The following PPHLN1 variants were observed in gnomAD, a reference collection of about 807,000 sequenced individuals.
The protein encoded by PPHLN1 is periphilin 1, also known as periphilin-1.
In PPHLN1, 29 loss-of-function variants were observed where a neutral mutation model predicts 51.3. That is an observed-to-expected ratio of 0.57 (90% CI 0.42 to 0.77). The LOEUF is 0.77. Among genes scored for constraint, PPHLN1 ranks in the 30% least tolerant of loss-of-function variants. PPHLN1 has a pLI of 0.00. For synonymous variants in PPHLN1, 147 were observed against 147.8 expected, an observed-to-expected ratio of 0.99 and a Z score of 0.04; for missense variants, 436 against 438.4, an observed-to-expected ratio of 0.99 and a Z score of 0.05.
chr12:42,340,052 A>G (rs1264665796), intron 2 of PPHLN1, among the ~76,000 whole-genome samples: 2 of 152,238 alleles, frequency 1.3e-5, no homozygotes, highest in East Asian at 3.8e-4. Context: ...CTTGCCTATA[A>G]TCTGAGCACT....
At chr12:42,426,108 C>A (rs2081430324) in intron 9 of PPHLN1, among the ~76,000 whole-genome samples, 1 of 149,450 alleles carries the variant, frequency 6.7e-6, no homozygotes, top group South Asian at 2.1e-4. Context: ...GAAAAATAAT[C>A]CACGTTTCAA....
intron 9 of PPHLN1, among the ~76,000 whole-genome samples, chr12:42,436,461 C>T (rs2082493858): frequency 6.6e-6 from 1 of 152,158 alleles, no homozygotes; most frequent in Non-Finnish European, 1.5e-5. Context: ...ACTTAACTTC[C>T]TATTGATAGT....
chr12:42,354,992 T>A (rs372873433), intron 3 of PPHLN1, among the ~76,000 whole-genome samples, 169 bp from the exon 4 acceptor site: 3 of 152,356 alleles, frequency 2.0e-5, no homozygotes, highest in East Asian at 3.9e-4. Context: ...AGGTTCTCAG[T>A]CAGTCTACTC....
chr12:42,398,636 A>G (rs1344455171), intron 8 of PPHLN1: 3 of 385,232 alleles, frequency 7.8e-6, no homozygotes, highest in Non-Finnish European at 1.4e-5. Flanking sequence ...AAATTCATGA[A>G]GTGTTCCATA....
chr12:42,326,707 T>A (rs77629986), intron 1 of PPHLN1, among the ~76,000 whole-genome samples: 1,796 of 152,288 alleles, frequency 0.012, 41 homozygotes, highest in African/African-American at 0.041. Context: ...CAAGTGTTGA[T>A]CTTCTTGGCA....
At chr12:42,387,709 A>G (rs912207544) in intron 7 of PPHLN1, among the ~76,000 whole-genome samples, 174 bp downstream of exon 7, 2 of 152,172 alleles carry the variant, frequency 1.3e-5, no homozygotes, top group African/African-American at 4.8e-5. Flanking sequence ...GGACTTTGAG[A>G]GACTGAGATT....
intron 8 of PPHLN1, among the ~76,000 whole-genome samples, chr12:42,396,963 G>T (rs560794107): frequency 6.0e-4 from 90 of 151,248 alleles, no homozygotes; most frequent in Middle Eastern, 3.4e-3. Flanking sequence ...TCTTGCTTCT[G>T]GATGATTGAG....
intron 9 of PPHLN1, among the ~76,000 whole-genome samples, chr12:42,416,123 C>T (rs768055403): frequency 3.9e-5 from 6 of 152,122 alleles, no homozygotes; most frequent in Non-Finnish European, 5.9e-5. Context: ...AATTATCAGT[C>T]GTTTAGTGTG....
chr12:42,427,154 A>C (rs2081575960), intron 9 of PPHLN1, among the ~76,000 whole-genome samples: 1 of 152,168 alleles, frequency 6.6e-6, no homozygotes, highest in African/African-American at 2.4e-5. Context: ...GATAATATTA[A>C]ATTATTTCAT....
intron 9 of PPHLN1, among the ~76,000 whole-genome samples, chr12:42,432,700 A>G (rs956061999): frequency 1.3e-5 from 2 of 152,192 alleles, no homozygotes; most frequent in African/African-American, 4.8e-5. Context: ...GAACCTTCCT[A>G]GCTTGCTGAA....
chr12:42,360,110 C>CAA (rs10643805), intron 4 of PPHLN1, among the ~76,000 whole-genome samples: 4,395 of 123,070 alleles, frequency 0.036, 390 homozygotes, highest in African/African-American at 0.14. Context: ...GACTCCATCT[C>CAA]AAAAAAAAAA....
chr12:42,384,043 C>G (rs2138992827), intron 5 of PPHLN1, among the ~76,000 whole-genome samples: 1 of 143,500 alleles, frequency 7.0e-6, no homozygotes, highest in Admixed American at 7.0e-5. Context: ...GACAGTGTAC[C>G]TCACATAAAA....
intron 4 of PPHLN1, chr12:42,374,607 A>ATTTTTTTT (rs35683626): frequency 2.5e-5 from 4 of 160,348 alleles, no homozygotes; most frequent in South Asian, 1.8e-4. Flanking sequence ...CGCCCAGCTA[A>ATTTTTTTT]TTTTTTTTTT....
At chr12:42,414,718 A>C (rs927743102) in intron 9 of PPHLN1, among the ~76,000 whole-genome samples, 38 of 152,258 alleles carry the variant, frequency 2.5e-4, no homozygotes, top group African/African-American at 9.1e-4. Context: ...GTCATCGTTG[A>C]CGAACAGCAA....
chr12:42,423,324 T>C (rs1270497005), intron 9 of PPHLN1, among the ~76,000 whole-genome samples: 1 of 152,132 alleles, frequency 6.6e-6, no homozygotes, highest in Admixed American at 6.5e-5. Context: ...AAAAGTAAAA[T>C]AATGAATTAT....
At chr12:42,381,302 A>G (rs1440325020) in intron 5 of PPHLN1, among the ~76,000 whole-genome samples, 1 of 152,262 alleles carries the variant, frequency 6.6e-6, no homozygotes, top group Non-Finnish European at 1.5e-5. Flanking sequence ...GTTCTAAAAC[A>G]GAAATCAATT....
chr12:42,352,043 C>T lies in PPHLN1; in HGVS notation c.231C>T (p.His77=). ...ATGATCGAAGAAGTGGTCCACCTCA[C>T]AGAGGAGTATGTAAATTTCCCCCAT... ...FSHDRRSGPP[H]RGDESGYRWT... Residue 77 remains histidine (H), a synonymous_variant, in exon 3 of 10, where the codon CAC becomes CAT. Coordinates refer to ENST00000358314, the MANE Select transcript of PPHLN1 (RefSeq NM_201439.2). The T allele has an allele frequency of 6.7e-7, 1 of 1,481,816 alleles. No homozygotes were observed. Among genetic ancestry groups the T allele is most frequent in the Non-Finnish European group, 8.9e-7 (1 of 1,118,722 alleles). 91.8% of individuals were successfully genotyped at this position (1,481,816 alleles called of 1,614,324 possible). A position where few individuals can be genotyped will look rare whatever the true frequency, so the allele number is the denominator to read the frequency against.
At chr12:42,342,824 C>T (rs2071695303) in intron 2 of PPHLN1, among the ~76,000 whole-genome samples, 1 of 152,196 alleles carries the variant, frequency 6.6e-6, no homozygotes, top group South Asian at 2.1e-4. Context: ...TTTTCTGTCA[C>T]ATTTGTGGTA....
In PPHLN1 at chr12:42,335,921, T is replaced by C. The variant is rs2070574376; in HGVS notation, c.19T>C (p.Tyr7His). The C allele has an allele frequency of 3.8e-6, 6 of 1,587,372 alleles. No individual in the cohort carries two copies. The African/African-American group carries it at 8.1e-5, about 22-fold the overall frequency. ...AGACGAAATGTGGTCTGAGGGACGA[T>C]ATGAATATGAAAGAATTCCGAGAGA... is the stretch of plus-strand genomic sequence containing the variant. MWSEGR[Y>H]EYERIPRERA... is the part of the protein sequence containing the mutation. Residue 7 changes from tyrosine to histidine, a missense_variant, in exon 2 of 10, where the codon TAT becomes CAT. By Grantham distance (83) the Tyr-to-His change is moderately conservative. Coordinates refer to ENST00000358314, the MANE Select transcript of PPHLN1 (RefSeq NM_201439.2).
Sources: gnomAD v4.1 joint callset for allele counts (sites outside exome capture counted in the v4.1 genomes callset) on GRCh38, gnomAD v4.1.1 for gene constraint, MANE v1.5 for transcripts, NCBI Gene and HGNC (gene_info 2026-07-23, HGNC 2026-07-21) for gene names.